Variants in KCNN2 observed in about 807,000 individuals in gnomAD.
KCNN2 encodes the protein potassium calcium-activated channel subfamily N member 2.
A neutral mutation model predicts 55.5 loss-of-function variants in KCNN2; 24 were observed. The observed-to-expected ratio is 0.43, with a 90% CI of 0.31 to 0.61. KCNN2 has a LOEUF of 0.61. KCNN2 is among the 20% of genes least tolerant of loss of function. The pLI is 0.08. For missense variants in KCNN2, 754 were observed against 853.6 expected, an observed-to-expected ratio of 0.88 and a Z score of 1.45; for synonymous variants, 431 against 336.1, an observed-to-expected ratio of 1.28 and a Z score of -3.09.
intron 4 of KCNN2, among the ~76,000 whole-genome samples, chr5:114,471,420 G>A (rs1480748281): frequency 6.6e-6 from 1 of 152,000 alleles, no homozygotes; most frequent in Non-Finnish European, 1.5e-5. Flanking sequence ...GGTCTATAAT[G>A]TTCAGTACAG....
At chr5:114,150,257 G>T (rs975657440) in intron 1 of KCNN2, among the ~76,000 whole-genome samples, 1 of 152,086 alleles carries the variant, frequency 6.6e-6, no homozygotes, top group Non-Finnish European at 1.5e-5. Flanking sequence ...ATACTACAAG[G>T]CTACAGTAAC....
intron 5 of KCNN2, among the ~76,000 whole-genome samples, chr5:114,474,435 A>G (rs1761882877): frequency 6.6e-6 from 1 of 151,942 alleles, no homozygotes; most frequent in Non-Finnish European, 1.5e-5. Context: ...AATGTCTTCT[A>G]CTCTCCATGA....
At chr5:114,093,495 C>T (rs143152943) in intron 1 of KCNN2, among the ~76,000 whole-genome samples, 1 of 152,136 alleles carries the variant, frequency 6.6e-6, no homozygotes, top group South Asian at 2.1e-4. Context: ...TGCCCCACTC[C>T]CAGTACCAAT....
chr5:114,440,774 G>A (rs1760176361), intron 3 of KCNN2, among the ~76,000 whole-genome samples: 1 of 152,016 alleles, frequency 6.6e-6, no homozygotes, highest in Non-Finnish European at 1.5e-5. Context: ...AAAATAGAAT[G>A]TATAACATCT....
At chr5:114,475,539 T>A (rs978538178) in intron 5 of KCNN2, among the ~76,000 whole-genome samples, 1 of 152,202 alleles carries the variant, frequency 6.6e-6, no homozygotes, top group Non-Finnish European at 1.5e-5. Flanking sequence ...GAATAACATA[T>A]AAAAAATATA....
At chr5:114,347,889 C>A (rs1757139478) in intron 2 of KCNN2, among the ~76,000 whole-genome samples, 1 of 152,190 alleles carries the variant, frequency 6.6e-6, no homozygotes, top group South Asian at 2.1e-4. Context: ...ATTGGCTCAG[C>A]TTTCCCAAGA....
chr5:114,438,845 C>T (rs1760107041), intron 3 of KCNN2, among the ~76,000 whole-genome samples: 1 of 152,164 alleles, frequency 6.6e-6, no homozygotes, highest in South Asian at 2.1e-4. Context: ...AGCTGCAAAA[C>T]CCTATGTTAG....
At chr5:114,465,476 G>GTGGCACATGCCTA (rs1023001532) in intron 4 of KCNN2, among the ~76,000 whole-genome samples, 1 of 152,136 alleles carries the variant, frequency 6.6e-6, no homozygotes, top group Non-Finnish European at 1.5e-5. Flanking sequence ...GCCAGGTGTG[G>GTGGCACATGCCTA]TGGCACATGC....
intron 2 of KCNN2, among the ~76,000 whole-genome samples, chr5:114,389,570 G>T (rs543414300): frequency 6.6e-6 from 1 of 152,116 alleles, no homozygotes; most frequent in Non-Finnish European, 1.5e-5. Context: ...ACCTGGTCCT[G>T]TTAACATGTG....
chr5:114,329,977 C>A lies in KCNN2; in HGVS notation c.-184-30968C>A, dbSNP rs541298216. ...ACCCTGAGCCCCCAGGAGAGCACCACCCTCTAATCTAGGTTTGCAACAGTG... is the reference window on the plus strand; with the variant it reads ...ACCCTGAGCCCCCAGGAGAGCACCAACCTCTAATCTAGGTTTGCAACAGTG... On this transcript the variant is annotated intron_variant, in intron 2 of 10. Transcript: ENST00000512097. 1.2e-4 allele frequency among the ~76,000 whole-genome samples: 18 copies of A among 151,954 alleles called. No homozygotes were observed. In the South Asian group the frequency reaches 3.5e-3, roughly 30 times the overall value.
At chr5:114,283,541 A>G (rs1755668593) in intron 2 of KCNN2, among the ~76,000 whole-genome samples, 1 of 152,098 alleles carries the variant, frequency 6.6e-6, no homozygotes, top group South Asian at 2.1e-4. Flanking sequence ...GTTTCTATTG[A>G]CAATTGTTGG....
At chr5:114,168,692 C>A (rs536508350) in intron 1 of KCNN2, among the ~76,000 whole-genome samples, 1 of 152,226 alleles carries the variant, frequency 6.6e-6, no homozygotes, top group South Asian at 2.1e-4. Flanking sequence ...GTGGTCTGTT[C>A]TGCAGCGTGT....
chr5:114,391,607 A>C (rs1458589903), intron 2 of KCNN2, among the ~76,000 whole-genome samples: 4 of 152,100 alleles, frequency 2.6e-5, no homozygotes, highest in Non-Finnish European at 5.9e-5. Context: ...TAACTCTACC[A>C]CTCAATGGTT....
chr5:114,470,422 A>G (rs1415131196), intron 4 of KCNN2, among the ~76,000 whole-genome samples: 1 of 152,174 alleles, frequency 6.6e-6, no homozygotes, highest in Non-Finnish European at 1.5e-5. Context: ...CTAGGAGCAT[A>G]TCTACAAAAG....
intron 2 of KCNN2, among the ~76,000 whole-genome samples, chr5:114,229,368 A>ATT (rs1436079474): frequency 6.6e-6 from 1 of 151,832 alleles, no homozygotes; most frequent in Non-Finnish European, 1.5e-5. Flanking sequence ...AGATACAATA[A>ATT]TTATATCTCC....
At chr5:114,349,166 G>A (rs1192716452) in intron 2 of KCNN2, among the ~76,000 whole-genome samples, 1 of 152,044 alleles carries the variant, frequency 6.6e-6, no homozygotes, top group African/African-American at 2.4e-5. Context: ...CATGTAACGT[G>A]TTCTGCGACT....
intron 3 of KCNN2, among the ~76,000 whole-genome samples, chr5:114,410,058 C>CCT (rs561138037): frequency 7.0e-4 from 106 of 152,294 alleles, no homozygotes; most frequent in Non-Finnish European, 1.2e-3. Context: ...AGAACACTGT[C>CCT]CTCTTAAGCA....
chr5:114,241,804 A>G (rs1204685060), intron 2 of KCNN2, among the ~76,000 whole-genome samples: 5,035 of 22,918 alleles, frequency 0.22, 1,500 homozygotes, highest in Middle Eastern at 0.35. Flanking sequence ...GTATATATAT[A>G]CGTATATATA....
Position 114,463,088 on chromosome 5 carries a change from A to C in KCNN2, c.1677A>C (p.Gly559=). 1 of 1,613,742 alleles carries C rather than the reference A, an allele frequency of 6.2e-7. No individual in the cohort carries two copies. The highest frequency in any genetic ancestry group is 8.5e-7 in the Non-Finnish European group (1 of 1,179,728). ...AGGATGTTACTAGCAACTTCCTTGG[A>C]GCGATGTGGTTGATATCAATAACTT... is the stretch of plus-strand genomic sequence containing the variant. ...DQQDVTSNFL[G]AMWLISITFL... is the part of the protein sequence containing the mutation. The change falls in exon 4 of 8, where the codon GGA becomes GGC. Residue 559 remains glycine, a synonymous_variant. Coordinates refer to ENST00000673685, the MANE Select transcript of KCNN2 (RefSeq NM_021614.4).
Sources: allele counts gnomAD v4.1 joint callset (sites outside exome capture counted in the v4.1 genomes callset), GRCh38; gene constraint gnomAD v4.1.1; transcripts MANE v1.5; gene names NCBI Gene and HGNC (gene_info 2026-07-23, HGNC 2026-07-21).